Variants in TCIRG1 observed in about 807,000 individuals in gnomAD.
TCIRG1 encodes the protein V-type proton ATPase 116 kDa subunit a 3.
TCIRG1 carries 86 observed loss-of-function variants against 95.5 expected under a neutral mutation model. The observed-to-expected ratio is 0.90, with a 90% CI of 0.76 to 1.08. The LOEUF (loss-of-function observed/expected upper bound fraction) is 1.08, where lower values mean the gene tolerates loss of function less well. Among genes scored for constraint, TCIRG1 ranks in the 50% least tolerant of loss-of-function variants. The probability of loss-of-function intolerance (pLI) is 0.00; values close to 1 mark genes in which losing one functional copy is unlikely to be tolerated. For synonymous variants in TCIRG1, 499 were observed against 501.3 expected (o/e 1.00, Z 0.06); for missense variants, 1,069 against 1,140.2 (o/e 0.94, Z 0.90).
intron 9 of TCIRG1, 30 bp downstream of exon 9, chr11:68,044,374 C>T (rs1312454058): frequency 8.6e-6 from 13 of 1,513,642 alleles, no homozygotes; most frequent in African/African-American, 5.5e-5. Context: ...GCCCCCTCTC[C>T]GCCCGCCCCT....
intron 10 of TCIRG1, among the ~76,000 whole-genome samples, chr11:68,046,762 G>A (rs923629622): frequency 3.0e-4 from 46 of 152,106 alleles, no homozygotes; most frequent in African/African-American, 1.0e-3. Flanking sequence ...TCGGCCTCCC[G>A]GAACTTGCCA....
At chr11:68,043,293 A>G in intron 5 of TCIRG1, 78 bp from the exon 6 acceptor site, 1 of 1,512,408 alleles carries the variant, frequency 6.6e-7, no homozygotes, top group Middle Eastern at 2.3e-4. Flanking sequence ...CGTGCTGGGC[A>G]GGGTCCTGCC....
At chr11:68,049,532 G>T (rs1002554918) in intron 15 of TCIRG1, 131 bp from the exon 16 acceptor site, 1 of 1,307,252 alleles carries the variant, frequency 7.6e-7, no homozygotes, top group East Asian at 2.5e-5. Context: ...CCCAGTGAGG[G>T]CACGGAGCCC....
At chr11:68,048,284 A>G (rs1194098425) in intron 13 of TCIRG1, 2 of 489,220 alleles carry the variant, frequency 4.1e-6, no homozygotes, top group Non-Finnish European at 7.4e-6. Flanking sequence ...TGTGGAAGTG[A>G]TTTTCTTTTT....
chr11:68,049,516 C>T, intron 15 of TCIRG1, 147 bp from the exon 16 acceptor site: 1 of 1,193,126 alleles, frequency 8.4e-7, no homozygotes, highest in Non-Finnish European at 1.2e-6. Context: ...TGGAGGCAGA[C>T]CCTCACCCAG....
chr11:68,048,077 T>G, intron 13 of TCIRG1, 105 bp downstream of exon 13: 1 of 995,562 alleles, frequency 1.0e-6, no homozygotes, highest in Non-Finnish European at 1.6e-6. Context: ...TGAGCACTCC[T>G]GTGTGCCAGG....
chr11:68,041,198 C>T (rs1304251891), intron 1 of TCIRG1, 70 bp from the exon 2 acceptor site: 1 of 1,008,278 alleles, frequency 9.9e-7, no homozygotes, highest in East Asian at 2.4e-5. Flanking sequence ...AGTGAAGGTG[C>T]ACAGGTGCCC....
intron 10 of TCIRG1, among the ~76,000 whole-genome samples, 166 bp from the exon 11 acceptor site, chr11:68,047,267 C>CCCG (rs1855547490): frequency 2.6e-5 from 2 of 77,382 alleles, no homozygotes; most frequent in Admixed American, 1.4e-4. Flanking sequence ...CCCCCCCCCC[C>CCCG]GTCTCGGCCT....
Position 68,043,237 on chromosome 11 carries a change from GCCTTC to G in TCIRG1, c.504-131_504-127del, listed in dbSNP as rs909239422. On this transcript the variant is annotated intron_variant, in intron 5 of 19. Coordinates refer to ENST00000265686, the MANE Select transcript of TCIRG1 (RefSeq NM_006019.4). ...TCTGGTCCTGCCCGGGAGGCCTCCT[GCCTTC>G]CCCTGTGGGCAGGGCCAGTGTGCCC... The G allele has an allele frequency of 6.8e-6, 10 of 1,476,350 alleles. No homozygotes were observed. In the Admixed American group the frequency reaches 9.4e-5, roughly 14 times the overall value. The allele number at this position is 1,476,350 out of a possible 1,614,324, so 91.5% of individuals were successfully genotyped here.
downstream of TCIRG1, chr11:68,053,731 A>G: frequency 5.1e-6 from 2 of 395,086 alleles, no homozygotes; most frequent in South Asian, 5.1e-5. Flanking sequence ...CTAGATTAAA[A>G]GGATTCAGAG....
At position 68,049,282 on chromosome 11, in the gene TCIRG1, C is replaced by A. The variant is rs758830999; in HGVS notation, c.1875C>A (p.Leu625=). 1 of 1,608,856 alleles carries A rather than the reference C, an allele frequency of 6.2e-7. No homozygotes were observed. Among genetic ancestry groups the A allele is most frequent in the Non-Finnish European group, 8.5e-7 (1 of 1,177,076 alleles). Residue 625 remains leucine (L), a synonymous_variant, in exon 15 of 20, where the codon CTC becomes CTA. Transcript: ENST00000265686. The part of the protein sequence containing the change: ...LFSHSPSNRL[L]YPRQEVVQAT... ...CCCACAGCCCCAGCAACAGGCTGCT[C>A]TACCCCCGGCAGGTGGGCTGCGGCT...
In TCIRG1 at chr11:68,049,234, C is replaced by A; in HGVS notation, c.1827C>A (p.His609Gln). 6.2e-7 allele frequency: 1 copy of A among 1,613,850 alleles called. No homozygotes were observed. The highest frequency in any genetic ancestry group is 8.5e-7 in the Non-Finnish European group (1 of 1,179,992). Residue 609 changes from histidine to glutamine, a missense_variant, in exon 15 of 20, where the codon CAC becomes CAA. Transcript: ENST00000265686. Reference protein sequence around the residue: ...RAASAPSILIHFINMFLFSHS... With the variant: ...RAASAPSILIQFINMFLFSHS... The stretch of plus-strand genomic sequence containing the variant: ...CCTCGGCCCCCAGCATCCTCATCCA[C>A]TTCATCAACATGTTCCTCTTCTCCC...
rs1855054093 is a variant in TCIRG1 at position 68,039,389 on chromosome 11, C to G, written c.-5+270C>G. ...GCTGCTGCTTCCTTGGAGGGAGGGA[C>G]CCATTCTACAGATGGGGAAGCTGAG... On this transcript the variant is annotated intron_variant, in intron 1 of 19. Transcript: ENST00000265686. Among the ~76,000 whole-genome samples, 6 of 152,146 alleles carry G rather than the reference C, an allele frequency of 3.9e-5. No homozygotes were observed. In the South Asian group the frequency reaches 1.2e-3, roughly 32 times the overall value.
At chr11:68,040,368 C>A (rs1300678259) in intron 1 of TCIRG1, among the ~76,000 whole-genome samples, 1 of 152,248 alleles carries the variant, frequency 6.6e-6, no homozygotes, top group Non-Finnish European at 1.5e-5. Flanking sequence ...CTTGGGCCAT[C>A]TGCTCAGTGT....
intron 16 of TCIRG1, 38 bp downstream of exon 16, chr11:68,049,826 G>A (rs773427410): frequency 1.3e-6 from 2 of 1,558,384 alleles, no homozygotes; most frequent in Non-Finnish European, 1.7e-6. Context: ...GCTGCTTGCG[G>A]GGAGAGGCCA....
chr11:68,046,932 T>A (rs1855515535), intron 10 of TCIRG1: 1 of 456,064 alleles, frequency 2.2e-6, no homozygotes, highest in Non-Finnish European at 4.4e-6. Context: ...ACCTGCATTT[T>A]ACAGATGGGG....
chr11:68,041,690 C>T, intron 2 of TCIRG1, 63 bp from the exon 3 acceptor site: 1 of 1,405,742 alleles, frequency 7.1e-7, no homozygotes, highest in Non-Finnish European at 9.9e-7. Flanking sequence ...GGCCTGGGCT[C>T]TAGGGTGAGG....
At position 68,050,046 on chromosome 11, in the gene TCIRG1, G is replaced by T. The variant is rs760982478; in HGVS notation, c.2098G>T (p.Asp700Tyr). ...SSDEEKAGGL[D>Y]DEEEAELVPS... is the part of the protein sequence containing the mutation. ...CGATGAGGAAAAGGCAGGGGGCCTG[G>T]ATGATGAAGAGGAGGCCGAGGTGGG... is the stretch of plus-strand genomic sequence containing the variant. Residue 700 changes from aspartate (D) to tyrosine (Y), a missense_variant, in exon 17 of 20, where the codon GAT (aspartate) becomes TAT (tyrosine). Transcript: ENST00000265686. 14 of 1,613,244 alleles carry T rather than the reference G, an allele frequency of 8.7e-6. No individual in the cohort carries two copies. Among genetic ancestry groups the T allele is most frequent in the Admixed American group, 1.7e-5 (1 of 59,998 alleles).
Position 68,050,593 on chromosome 11 carries a change from C to T in TCIRG1, c.2343C>T (p.Ala781=), listed in dbSNP as rs148233679. The T allele has an allele frequency of 9.9e-6, 16 of 1,613,408 alleles. No individual in the cohort carries two copies. The highest frequency in any genetic ancestry group is 5.0e-5 in the Admixed American group (3 of 60,016). Residue 781 remains alanine (A), a synonymous_variant, in exon 19 of 20, where the codon GCC becomes GCT. Transcript: ENST00000265686. ...VVLVPIFAAF[A]VMTVAILLVM... ...TGGTCCCCATCTTTGCCGCCTTTGCCGTGATGACCGTGGCTATCCTGCTGG... is the reference window on the plus strand; with the variant it reads ...TGGTCCCCATCTTTGCCGCCTTTGCTGTGATGACCGTGGCTATCCTGCTGG...
Sources: gnomAD v4.1 joint callset for allele counts (sites outside exome capture counted in the v4.1 genomes callset) on GRCh38, gnomAD v4.1.1 for gene constraint, MANE v1.5 for transcripts, NCBI Gene and HGNC (gene_info 2026-07-23, HGNC 2026-07-21) for gene names.